TMIGD3: variants seen among roughly 807,000 people sequenced by gnomAD.
The protein encoded by TMIGD3 is transmembrane and immunoglobulin domain containing 3, also known as AD026 protein (AD026).
In TMIGD3, 21 loss-of-function variants were observed where a neutral mutation model predicts 28.1. That is an observed-to-expected ratio of 0.75 (90% CI 0.53 to 1.08). The LOEUF is 1.08. Ranked by LOEUF, TMIGD3 falls within the 50% of genes least tolerant of loss-of-function variation. The probability of loss-of-function intolerance (pLI) is 0.00; values close to 1 mark genes in which losing one functional copy is unlikely to be tolerated. For missense variants in TMIGD3, 416 were observed against 435.6 expected, an observed-to-expected ratio of 0.96 and a Z score of 0.40; for synonymous variants, 151 against 162.1, an observed-to-expected ratio of 0.93 and a Z score of 0.52.
chr1:111,541,905 T>A (rs906885090), intron 1 of TMIGD3, among the ~76,000 whole-genome samples: 4 of 152,026 alleles, frequency 2.6e-5, no homozygotes, highest in African/African-American at 9.7e-5. Flanking sequence ...GTTGAGAAAG[T>A]CCTAAGTCAA....
chr1:111,491,505 G>A (rs777308835), intron 1 of TMIGD3, among the ~76,000 whole-genome samples: 4 of 152,236 alleles, frequency 2.6e-5, no homozygotes, highest in Non-Finnish European at 5.9e-5. Context: ...CCCAGAGCCA[G>A]CACATCCCAT....
intron 3 of TMIGD3, among the ~76,000 whole-genome samples, 169 bp from the exon 4 acceptor site, chr1:111,486,821 G>A (rs1654399600): frequency 6.6e-6 from 1 of 152,226 alleles, no homozygotes; most frequent in African/African-American, 2.4e-5. Context: ...GCCCTGCACA[G>A]GGAACAAGGC....
chr1:111,555,362 T>TAAAAAAAAAAAAAAAAAAAAAAAA (rs397981230), intron 1 of TMIGD3, among the ~76,000 whole-genome samples: 1 of 47,650 alleles, frequency 2.1e-5, no homozygotes, highest in African/African-American at 1.2e-4. Context: ...TGAGACTCTG[T>TAAAAAAAAAAAAAAAAAAAAAAAA]AAAAAAAAAA....
chr1:111,495,591 A>C (rs1245949429), intron 1 of TMIGD3, among the ~76,000 whole-genome samples: 1 of 152,258 alleles, frequency 6.6e-6, no homozygotes, highest in African/African-American at 2.4e-5. Context: ...TGTATAACTA[A>C]TTTGTGGAAA....
intron 1 of TMIGD3, among the ~76,000 whole-genome samples, chr1:111,544,264 C>G (rs2101027787): frequency 6.6e-6 from 1 of 152,234 alleles, no homozygotes; most frequent in South Asian, 2.1e-4. Context: ...CAGCATTTTA[C>G]CAACTTTAAG....
intron 1 of TMIGD3, among the ~76,000 whole-genome samples, chr1:111,521,011 C>T (rs756877663): frequency 6.6e-6 from 1 of 151,694 alleles, no homozygotes; most frequent in Admixed American, 6.6e-5. Context: ...TCCCTCCCAC[C>T]CCTTCCCACC....
chr1:111,504,478 ACCAGACACTTGCACG>A (rs1190500780), upstream of TMIGD3, among the ~76,000 whole-genome samples: 1 of 152,214 alleles, frequency 6.6e-6, no homozygotes, highest in Non-Finnish European at 1.5e-5. Context: ...ACTTCTGGGA[ACCAGACACTTGCACG>A]CCATTGTTAT....
intron 1 of TMIGD3, among the ~76,000 whole-genome samples, chr1:111,557,673 A>C (rs1440271512): frequency 6.6e-6 from 1 of 152,256 alleles, no homozygotes; most frequent in Non-Finnish European, 1.5e-5. Flanking sequence ...GAATGATATC[A>C]GAAAAAAGGT....
At chr1:111,541,809 C>T (rs1047468888) in intron 1 of TMIGD3, among the ~76,000 whole-genome samples, 3 of 152,108 alleles carry the variant, frequency 2.0e-5, no homozygotes, top group African/African-American at 7.2e-5. Flanking sequence ...TTGAAGACCC[C>T]AGAAGAGAGT....
chr1:111,524,123 A>G (rs1371533886), intron 1 of TMIGD3, among the ~76,000 whole-genome samples: 2 of 139,776 alleles, frequency 1.4e-5, no homozygotes, highest in Non-Finnish European at 3.0e-5. Context: ...TCCGCCTCCC[A>G]GGTTCACGCC....
At chr1:111,559,771 C>T (rs1316526853) in intron 1 of TMIGD3, among the ~76,000 whole-genome samples, 1 of 152,180 alleles carries the variant, frequency 6.6e-6, no homozygotes, top group African/African-American at 2.4e-5. Context: ...CTTCAATTGG[C>T]TAAAAGCCAT....
intron 1 of TMIGD3, chr1:111,500,128 G>T (rs1339724143): frequency 6.2e-7 from 1 of 1,614,032 alleles, no homozygotes; most frequent in Non-Finnish European, 8.5e-7. Flanking sequence ...CACAAGCTGT[G>T]GTACCTCACC....
chr1:111,499,893 G>A (rs1436921042), intron 1 of TMIGD3: 13 of 1,586,856 alleles, frequency 8.2e-6, no homozygotes, highest in Non-Finnish European at 1.1e-5. Context: ...AGGCCCTCAA[G>A]TGTTTGTTGA....
At chr1:111,514,088 C>T (rs969645126) in intron 1 of TMIGD3, among the ~76,000 whole-genome samples, 1 of 152,212 alleles carries the variant, frequency 6.6e-6, no homozygotes, top group African/African-American at 2.4e-5. Context: ...TTTGCAGTGT[C>T]TTGACCAAAT....
intron 1 of TMIGD3, among the ~76,000 whole-genome samples, chr1:111,535,989 C>A (rs548455516): frequency 3.3e-5 from 5 of 152,144 alleles, no homozygotes; most frequent in Admixed American, 1.3e-4. Context: ...CCAGGCACCC[C>A]CTCCTCTCCT....
intron 1 of TMIGD3, chr1:111,500,354 A>C (rs1288478397): frequency 6.2e-7 from 1 of 1,614,116 alleles, no homozygotes; most frequent in Non-Finnish European, 8.5e-7. Flanking sequence ...ATGAAAATCC[A>C]GGTGAGGAAG....
At chr1:111,508,192 C>A (rs1217958679), upstream of TMIGD3, among the ~76,000 whole-genome samples, 9 of 152,196 alleles carry the variant, frequency 5.9e-5, no homozygotes, top group African/African-American at 1.9e-4. Flanking sequence ...CCCACCAGAC[C>A]CCCCCACCCA....
rs1215289319 is a variant in TMIGD3, at chr1:111,503,562, T to G, written c.-208A>C. Reference sequence around the variant, plus strand: ...TTAGAAAGGGCTCATCACAGGTGGGTCACTTCCAGCCCCTTTATGCACCGC... The same window carrying G: ...TTAGAAAGGGCTCATCACAGGTGGGGCACTTCCAGCCCCTTTATGCACCGC... On this transcript the variant is annotated 5_prime_UTR_variant, in exon 1 of 6. Transcript: ENST00000369716. 1 of 1,396,460 alleles carries G rather than the reference T, an allele frequency of 7.2e-7. No individual in the cohort carries two copies. The highest frequency in any genetic ancestry group is 9.3e-7 in the Non-Finnish European group (1 of 1,075,938). 86.5% of individuals were successfully genotyped at this position (1,396,460 alleles called of 1,614,324 possible). A position where few individuals can be genotyped will look rare whatever the true frequency, so the allele number is the denominator to read the frequency against.
At chr1:111,509,489 T>C (rs935921766) in intron 1 of TMIGD3, among the ~76,000 whole-genome samples, 20 of 152,106 alleles carry the variant, frequency 1.3e-4, no homozygotes, top group Admixed American at 9.2e-4. Flanking sequence ...ATCCCGGTGT[T>C]GATTCTCATG....
Sources: gnomAD v4.1 joint callset for allele counts (sites outside exome capture counted in the v4.1 genomes callset) on GRCh38, gnomAD v4.1.1 for gene constraint, MANE v1.5 for transcripts, NCBI Gene and HGNC (gene_info 2026-07-23, HGNC 2026-07-21) for gene names.